FRK: variants seen among roughly 807,000 people sequenced by gnomAD.
FRK encodes tyrosine-protein kinase FRK.
In FRK, 51 loss-of-function variants were observed where a neutral mutation model predicts 56.4. The ratio of observed to expected loss-of-function variants is 0.90; its 90% CI spans 0.72 to 1.14. The LOEUF is 1.14. FRK is among the 50% of genes most tolerant of loss of function. FRK has a pLI of 0.00. For synonymous variants in FRK, 245 were observed against 217.9 expected, an observed-to-expected ratio of 1.12 and a Z score of -1.10; for missense variants, 570 against 601.4, an observed-to-expected ratio of 0.95 and a Z score of 0.55.
At chr6:116,063,183 T>A (rs912915546), upstream of FRK, among the ~76,000 whole-genome samples, 1 of 152,180 alleles carries the variant, frequency 6.6e-6, no homozygotes, top group Non-Finnish European at 1.5e-5. Flanking sequence ...ATGTTAGAAA[T>A]AACATCCAGG....
chr6:116,010,496 C>T (rs1161614615), intron 1 of FRK, among the ~76,000 whole-genome samples: 1 of 152,038 alleles, frequency 6.6e-6, no homozygotes, highest in African/African-American at 2.4e-5. Context: ...AGGAAAAAAT[C>T]CCAAAGGAAT....
rs11758128 is a variant in FRK at position 115,994,324 on chromosome 6, T to G, written c.466+9553A>C. Among the ~76,000 whole-genome samples the G allele has an allele frequency of 1.1e-3, 37 of 33,882 alleles. 3 individuals carry two copies. The highest frequency in any genetic ancestry group is 1.9e-3 in the Non-Finnish European group (32 of 17,104). 22.2% of individuals were successfully genotyped at this position (33,882 alleles called of 152,430 possible). A position where few individuals can be genotyped will look rare whatever the true frequency, so the allele number is the denominator to read the frequency against. ...ATTGGGTATCCAGAATCTCACAACC[T>G]CCCCCCCCCCCGCCTTTTTTTTGTC... On this transcript the variant is annotated intron_variant, in intron 2 of 7. Transcript: ENST00000606080.
the FRK span, among the ~76,000 whole-genome samples, chr6:116,072,495 T>C: frequency 6.6e-6 from 1 of 151,446 alleles, no homozygotes; most frequent in Non-Finnish European, 1.5e-5. Flanking sequence ...AGTGATGAAA[T>C]GTTAGAACTG....
At chr6:115,995,052 T>A (rs1303591713) in intron 2 of FRK, among the ~76,000 whole-genome samples, 1 of 152,164 alleles carries the variant, frequency 6.6e-6, no homozygotes, top group African/African-American at 2.4e-5. Context: ...TATCTTCAAC[T>A]TGACTAGCAC....
At chr6:116,004,403 TTAG>T (rs1775176159) in intron 1 of FRK, among the ~76,000 whole-genome samples, 2 of 152,152 alleles carry the variant, frequency 1.3e-5, no homozygotes, top group Admixed American at 1.3e-4. Context: ...CTCTGAGCTG[TTAG>T]GAGGCAAATA....
At chr6:115,959,381 A>G (rs1180652986) in intron 4 of FRK, among the ~76,000 whole-genome samples, 1 of 152,072 alleles carries the variant, frequency 6.6e-6, no homozygotes, top group African/African-American at 2.4e-5. Flanking sequence ...TTCCTTAGAG[A>G]ACAACGTTAG....
At chr6:116,053,816 T>C (rs1423958805) in intron 1 of FRK, among the ~76,000 whole-genome samples, 4 of 152,208 alleles carry the variant, frequency 2.6e-5, no homozygotes, top group East Asian at 1.9e-4. Context: ...TTATCAATGT[T>C]GCTACTTTTC....
intron 1 of FRK, among the ~76,000 whole-genome samples, chr6:116,046,775 T>C (rs948129589): frequency 1.3e-5 from 2 of 151,480 alleles, no homozygotes; most frequent in Non-Finnish European, 2.9e-5. Flanking sequence ...GAACTTAAAG[T>C]ATAATAATAA....
At chr6:115,982,395 A>G (rs943819309) in intron 2 of FRK, among the ~76,000 whole-genome samples, 1 of 152,144 alleles carries the variant, frequency 6.6e-6, no homozygotes, top group Admixed American at 6.5e-5. Flanking sequence ...TTGTGAGCCA[A>G]TTCCCATAAT....
chr6:116,078,145 A>G, the FRK span, among the ~76,000 whole-genome samples: 2 of 152,224 alleles, frequency 1.3e-5, no homozygotes, highest in African/African-American at 4.8e-5. Flanking sequence ...GGGCAACAAG[A>G]GCAAAACTCC....
At chr6:115,944,601 A>T (rs539775982) in intron 5 of FRK, among the ~76,000 whole-genome samples, 176 bp from the exon 6 acceptor site, 1 of 152,294 alleles carries the variant, frequency 6.6e-6, no homozygotes, top group Admixed American at 6.5e-5. Context: ...GTGAAAGGTT[A>T]ATAAGGCAAG....
intron 1 of FRK, among the ~76,000 whole-genome samples, chr6:116,046,167 C>T (rs909638062): frequency 1.3e-5 from 2 of 151,482 alleles, no homozygotes; most frequent in African/African-American, 4.8e-5. Flanking sequence ...AATAGGAATG[C>T]TTTACACCGT....
At chr6:115,960,532 T>C (rs1055862191) in intron 4 of FRK, among the ~76,000 whole-genome samples, 3 of 145,228 alleles carry the variant, frequency 2.1e-5, no homozygotes, top group Non-Finnish European at 3.0e-5. Context: ...TCGAACTGGG[T>C]GGAGCCCACC....
intron 5 of FRK, among the ~76,000 whole-genome samples, chr6:115,955,994 C>T (rs1476330598): frequency 2.0e-5 from 3 of 152,176 alleles, no homozygotes; most frequent in African/African-American, 7.2e-5. Flanking sequence ...GTATTTTAAA[C>T]AGCAACAAGT....
chr6:116,021,240 CA>C (rs1256579114), intron 1 of FRK, among the ~76,000 whole-genome samples: 4 of 149,460 alleles, frequency 2.7e-5, no homozygotes, highest in African/African-American at 7.3e-5. Context: ...TGGAAAAACA[CA>C]AACGTAGACC....
At chr6:115,942,926 T>A (rs754168620) in intron 7 of FRK, 94 bp downstream of exon 7, 14 of 1,252,884 alleles carry the variant, frequency 1.1e-5, no homozygotes, top group Non-Finnish European at 1.6e-5. Flanking sequence ...GTCAGCCTCA[T>A]AACTCTGCCC....
At chr6:116,096,315 G>A in the FRK span, among the ~76,000 whole-genome samples, 1 of 152,218 alleles carries the variant, frequency 6.6e-6, no homozygotes, top group Non-Finnish European at 1.5e-5. Context: ...AGGAGAGATT[G>A]AGAGGTGAAG....
chr6:115,961,643 G>A (rs1224185637), intron 4 of FRK, among the ~76,000 whole-genome samples: 3 of 72,270 alleles, frequency 4.2e-5, no homozygotes, highest in Non-Finnish European at 7.9e-5. Context: ...GGCAGCCAGA[G>A]AGAAAGGTCG....
intron 2 of FRK, among the ~76,000 whole-genome samples, chr6:115,970,682 T>C (rs1313779816): frequency 6.6e-6 from 1 of 152,186 alleles, no homozygotes; most frequent in African/African-American, 2.4e-5. Context: ...AAGAATTGCT[T>C]GAGGCTAGGT....
Sources: allele counts gnomAD v4.1 joint callset (sites outside exome capture counted in the v4.1 genomes callset), GRCh38; gene constraint gnomAD v4.1.1; transcripts MANE v1.5; gene names NCBI Gene and HGNC (gene_info 2026-07-23, HGNC 2026-07-21).